The following ATXN7L1 variants were observed in gnomAD, a reference collection of about 807,000 sequenced individuals.
The protein encoded by ATXN7L1 is ataxin 7 like 1, also known as ataxin-7-like protein 1.
In ATXN7L1, 15 loss-of-function variants were observed where a neutral mutation model predicts 70.8. The ratio of observed to expected loss-of-function variants is 0.21; its 90% CI spans 0.14 to 0.33. The LOEUF is 0.33. Among genes scored for constraint, ATXN7L1 ranks in the 10% least tolerant of loss-of-function variants. The pLI is 1.00. For missense variants in ATXN7L1, 975 were observed against 1,097.1 expected (o/e 0.89, Z 1.57); for synonymous variants, 440 against 445.1 (o/e 0.99, Z 0.14).
intron 2 of ATXN7L1, among the ~76,000 whole-genome samples, chr7:105,799,371 A>G (rs1183835655): frequency 6.6e-6 from 1 of 152,192 alleles, no homozygotes; most frequent in Non-Finnish European, 1.5e-5. Flanking sequence ...GGGGGGTTAT[A>G]TCAGTGTTCT....
intron 4 of ATXN7L1, among the ~76,000 whole-genome samples, chr7:105,663,826 C>T (rs1363917981): frequency 6.6e-6 from 1 of 152,098 alleles, no homozygotes; most frequent in East Asian, 1.9e-4. Context: ...AGCGCAGTGG[C>T]ACAATCTCGG....
At chr7:105,724,482 G>A (rs1453412683) in intron 3 of ATXN7L1, among the ~76,000 whole-genome samples, 1 of 147,894 alleles carries the variant, frequency 6.8e-6, no homozygotes, top group Non-Finnish European at 1.5e-5. Context: ...GCTGGAACAC[G>A]AGAATCACTT....
chr7:105,819,880 C>A, intron 2 of ATXN7L1: 1 of 583,344 alleles, frequency 1.7e-6, no homozygotes, highest in Non-Finnish European at 3.3e-6. Flanking sequence ...GCATCTGAAG[C>A]CTACAAGAAA....
intron 2 of ATXN7L1, among the ~76,000 whole-genome samples, chr7:105,809,992 G>T (rs955944962): frequency 6.6e-6 from 1 of 152,110 alleles, no homozygotes; most frequent in African/African-American, 2.4e-5. Context: ...GGCTGGCCTC[G>T]AATTCCAGGA....
chr7:105,657,231 G>C (rs899728532), intron 4 of ATXN7L1, among the ~76,000 whole-genome samples: 1 of 152,194 alleles, frequency 6.6e-6, no homozygotes, highest in African/African-American at 2.4e-5. Context: ...AGCAGCACCA[G>C]GCCAAGGGGA....
At chr7:105,660,134 C>T (rs1801353433) in intron 4 of ATXN7L1, among the ~76,000 whole-genome samples, 1 of 152,076 alleles carries the variant, frequency 6.6e-6, no homozygotes, top group African/African-American at 2.4e-5. Context: ...CCGTACACAC[C>T]ACTGCCTGGA....
At chr7:105,837,821 G>C (rs148094487) in intron 2 of ATXN7L1, among the ~76,000 whole-genome samples, 32 of 152,246 alleles carry the variant, frequency 2.1e-4, no homozygotes, top group Middle Eastern at 3.4e-3. Flanking sequence ...TGCCAACAGC[G>C]GAGGCCTCCG....
intron 2 of ATXN7L1, among the ~76,000 whole-genome samples, chr7:105,848,201 T>G (rs1814343944): frequency 6.6e-6 from 1 of 152,258 alleles, no homozygotes; most frequent in African/African-American, 2.4e-5. Flanking sequence ...ACATTTGAAC[T>G]TATTAAATCA....
rs540672820 is a variant in ATXN7L1 at position 105,606,403 on chromosome 7, G to A, written c.*1449C>T. 1 of 152,262 alleles carries A rather than the reference G, an allele frequency of 6.6e-6. No homozygotes were observed. The highest frequency in any genetic ancestry group is 2.1e-4 in the South Asian group (1 of 4,822). 9.4% of individuals were successfully genotyped at this position (152,262 alleles called of 1,614,324 possible). ...AAAGAAAAGGAAAACTTTGGGGTGG[G>A]GATGAGGGTTCTGCCCAGCTATGAA... On this transcript the variant is annotated 3_prime_UTR_variant, in exon 12 of 12. Transcript: ENST00000419735.
intron 10 of ATXN7L1, chr7:105,613,633 G>A (rs1332580031): frequency 8.5e-6 from 12 of 1,406,084 alleles, no homozygotes; most frequent in Admixed American, 5.7e-5. Flanking sequence ...GACTCAGTGA[G>A]GTAATAACCG....
intron 3 of ATXN7L1, among the ~76,000 whole-genome samples, chr7:105,725,997 G>A (rs1227654388): frequency 6.6e-6 from 1 of 150,872 alleles, no homozygotes; most frequent in Non-Finnish European, 1.5e-5. Flanking sequence ...CGCCTCCTGG[G>A]TTCAAGTGAT....
chr7:105,653,325 G>C (rs1800137630), intron 4 of ATXN7L1, among the ~76,000 whole-genome samples: 2 of 152,038 alleles, frequency 1.3e-5, no homozygotes, highest in Non-Finnish European at 1.5e-5. Flanking sequence ...GTGTATGCCG[G>C]TAATCCCAGC....
At chr7:105,855,722 G>A (rs1446910183) in intron 2 of ATXN7L1, among the ~76,000 whole-genome samples, 1 of 152,080 alleles carries the variant, frequency 6.6e-6, no homozygotes, top group East Asian at 1.9e-4. Flanking sequence ...AAAAATATGT[G>A]GAAGAAAAAG....
At chr7:105,733,266 T>C (rs1489799938) in intron 3 of ATXN7L1, among the ~76,000 whole-genome samples, 2 of 152,248 alleles carry the variant, frequency 1.3e-5, no homozygotes, top group Non-Finnish European at 2.9e-5. Context: ...ATATGGTGAA[T>C]CATATGTGCT....
chr7:105,613,815 C>T, intron 10 of ATXN7L1, 47 bp downstream of exon 10: 1 of 1,551,626 alleles, frequency 6.4e-7, no homozygotes, highest in Non-Finnish European at 8.7e-7. Flanking sequence ...TGCCCAGCTC[C>T]CCCTGCCCCC....
chr7:105,670,077 A>G (rs1031390579), intron 3 of ATXN7L1, among the ~76,000 whole-genome samples: 1 of 152,182 alleles, frequency 6.6e-6, no homozygotes, highest in African/African-American at 2.4e-5. Context: ...GACCTATTCA[A>G]TCTTTGTTTC....
Position 105,760,040 on chromosome 7 carries a change from C to T in ATXN7L1, c.355+28564G>A, listed in dbSNP as rs1029833204. 1.6e-5 allele frequency: 4 copies of T among 254,950 alleles called. No homozygotes were observed. In the Admixed American group the frequency reaches 1.9e-4, roughly 12 times the overall value. 15.8% of individuals were successfully genotyped at this position (254,950 alleles called of 1,614,324 possible). On this transcript the variant is annotated intron_variant, in intron 3 of 11. Coordinates refer to ENST00000419735, the MANE Select transcript of ATXN7L1 (RefSeq NM_020725.2). Reference sequence around the variant, plus strand: ...CTCCTGCCTGCTCTACTGCATGTGACACTGTGGATGAATCAACAAGCCTCC... The same window carrying T: ...CTCCTGCCTGCTCTACTGCATGTGATACTGTGGATGAATCAACAAGCCTCC...
chr7:105,793,663 C>G (rs888284981), intron 2 of ATXN7L1, among the ~76,000 whole-genome samples: 5 of 152,162 alleles, frequency 3.3e-5, no homozygotes, highest in South Asian at 2.1e-4. Context: ...GAACTTTGTC[C>G]AAACACAATG....
At chr7:105,621,137 T>A (rs1309286975) in intron 8 of ATXN7L1, among the ~76,000 whole-genome samples, 1 of 152,184 alleles carries the variant, frequency 6.6e-6, no homozygotes, top group African/African-American at 2.4e-5. Context: ...CATTTCTGCC[T>A]CCAATCAGTC....
Sources: gnomAD v4.1 joint callset for allele counts (sites outside exome capture counted in the v4.1 genomes callset) on GRCh38, gnomAD v4.1.1 for gene constraint, MANE v1.5 for transcripts, NCBI Gene and HGNC (gene_info 2026-07-23, HGNC 2026-07-21) for gene names.